NEK10: variants seen among roughly 807,000 people sequenced by gnomAD.
The protein encoded by NEK10 is serine/threonine-protein kinase Nek10.
A neutral mutation model predicts 159.8 loss-of-function variants in NEK10; 122 were observed. The observed-to-expected ratio is 0.76, with a 90% CI of 0.66 to 0.89. The LOEUF is 0.89. Ranked by LOEUF, NEK10 falls within the 40% of genes least tolerant of loss-of-function variation. The pLI is 0.00. For synonymous variants in NEK10, 466 were observed against 457.1 expected (o/e 1.02, Z -0.25); for missense variants, 1,342 against 1,323.1 (o/e 1.01, Z -0.22).
At chr3:27,272,382 T>C (rs904922174) in intron 22 of NEK10, among the ~76,000 whole-genome samples, 1 of 152,200 alleles carries the variant, frequency 6.6e-6, no homozygotes, top group African/African-American at 2.4e-5. Context: ...CTTGCTGCTA[T>C]ATTCAACCCC....
intron 6 of NEK10, among the ~76,000 whole-genome samples, chr3:27,316,049 C>A (rs2045137224): frequency 6.6e-6 from 1 of 152,102 alleles, no homozygotes; most frequent in Non-Finnish European, 1.5e-5. Flanking sequence ...CCATGGAGGG[C>A]ATTACTGGGA....
chr3:27,155,258 G>A (rs1243217689), intron 30 of NEK10, among the ~76,000 whole-genome samples: 2 of 152,018 alleles, frequency 1.3e-5, no homozygotes, highest in African/African-American at 4.8e-5. Flanking sequence ...AATCCCAGCA[G>A]TTTGGGAGGC....
chr3:27,214,685 T>C, intron 23 of NEK10: 2 of 613,520 alleles, frequency 3.3e-6, no homozygotes, highest in South Asian at 1.7e-5. Context: ...GCATTACTGA[T>C]AACATTGTTA....
At chr3:27,140,628 G>T (rs767805730) in intron 31 of NEK10, among the ~76,000 whole-genome samples, 2 of 152,100 alleles carry the variant, frequency 1.3e-5, no homozygotes, top group Non-Finnish European at 2.9e-5. Context: ...TTTAACTTGT[G>T]GTATTTCTCT....
At chr3:27,209,441 C>T (rs73149345) in intron 23 of NEK10, among the ~76,000 whole-genome samples, 12,894 of 152,232 alleles carry the variant, frequency 0.085, 1,796 homozygotes, top group African/African-American at 0.29. Flanking sequence ...TAAATGCTTT[C>T]TATTTCTCTC....
At position 27,291,404 on chromosome 3, in the gene NEK10, A is replaced by ATTCCTTTTTATATTCCTTTTTATATT. The variant is rs755006445; in HGVS notation, c.1477-15_1477-14insAATATAAAAAGGAATATAAAAAGGAA. On this transcript the variant is annotated splice_polypyrimidine_tract_variant and intron_variant, in intron 17 of 35. Coordinates refer to ENST00000691995, the MANE Select transcript of NEK10 (RefSeq NM_001394966.1). ...CAGTTCATCCTCCTAATCAAAATAT[A>ATTCCTTTTTATATTCCTTTTTATATT]AAAAGGAAATGGGTTTCTGTGATAA... 3 of 1,610,088 alleles carry ATTCCTTTTTATATTCCTTTTTATATT rather than the reference A, an allele frequency of 1.9e-6. No individual in the cohort carries two copies. The South Asian group carries it at 3.3e-5, about 18-fold the overall frequency.
chr3:27,255,733 T>C (rs1019312438), intron 23 of NEK10, among the ~76,000 whole-genome samples: 1 of 152,204 alleles, frequency 6.6e-6, no homozygotes, highest in Non-Finnish European at 1.5e-5. Context: ...TATCAAAATA[T>C]AAACACTCAT....
At chr3:27,155,518 A>G (rs4973859) in intron 30 of NEK10, among the ~76,000 whole-genome samples, 2 of 82,044 alleles carry the variant, frequency 2.4e-5, no homozygotes, top group East Asian at 4.9e-4. Context: ...TAAATAAAAT[A>G]AAATAAAATA....
At chr3:27,156,962 A>G (rs1489042665) in intron 30 of NEK10, among the ~76,000 whole-genome samples, 1 of 126,986 alleles carries the variant, frequency 7.9e-6, no homozygotes, top group Non-Finnish European at 1.7e-5. Flanking sequence ...ATATATATAT[A>G]TATATATATA....
chr3:27,205,974 A>T (rs1041674413), intron 23 of NEK10, among the ~76,000 whole-genome samples: 1 of 142,618 alleles, frequency 7.0e-6, no homozygotes, highest in Non-Finnish European at 1.5e-5. Context: ...CAAAGGGCTA[A>T]TATCCAGAAT....
In NEK10 at chr3:27,226,105, C is replaced by T. The variant is rs1037566265; in HGVS notation, c.2091-23548G>A. Among the ~76,000 whole-genome samples the T allele has an allele frequency of 5.3e-4, 81 of 151,928 alleles. 1 individual carries two copies. The highest frequency in any genetic ancestry group is 5.2e-3 in the Admixed American group (80 of 15,244). On this transcript the variant is annotated intron_variant, in intron 23 of 35. Coordinates refer to ENST00000691995, the MANE Select transcript of NEK10 (RefSeq NM_001394966.1). ...GGAGTGCAGTGGCATGATCTTGGCT[C>T]ACTGCAAGCTCTGCCTCCTGGGTTC...
chr3:27,117,622 T>C (rs1940661263), intron 33 of NEK10, among the ~76,000 whole-genome samples: 1 of 152,246 alleles, frequency 6.6e-6, no homozygotes, highest in Admixed American at 6.5e-5. Context: ...CGCATAAATG[T>C]CTTCATTTGA....
chr3:27,162,397 C>T, intron 30 of NEK10: 1 of 1,585,050 alleles, frequency 6.3e-7, no homozygotes, highest in East Asian at 2.3e-5. Flanking sequence ...ACATCTCAGG[C>T]CCAACTATAA....
chr3:27,331,262 A>AAAAAC, intron 5 of NEK10, among the ~76,000 whole-genome samples: 37 of 110,120 alleles, frequency 3.4e-4, no homozygotes, highest in Admixed American at 1.1e-3. Flanking sequence ...AAAAAAAAAA[A>AAAAAC]ACACACAAAC....
intron 23 of NEK10, among the ~76,000 whole-genome samples, chr3:27,231,059 A>C (rs1953205931): frequency 6.6e-6 from 1 of 152,140 alleles, no homozygotes; most frequent in South Asian, 2.1e-4. Context: ...TGCAGAATAT[A>C]CATTCTTCTC....
chr3:27,120,119 C>T (rs1409843365), intron 32 of NEK10, among the ~76,000 whole-genome samples: 1 of 151,936 alleles, frequency 6.6e-6, no homozygotes, highest in Non-Finnish European at 1.5e-5. Context: ...ACTTTATGGC[C>T]TTATGAGAGC....
chr3:27,320,111 A>C (rs1375982691), intron 6 of NEK10, among the ~76,000 whole-genome samples: 2 of 152,154 alleles, frequency 1.3e-5, no homozygotes, highest in Non-Finnish European at 2.9e-5. Context: ...AGTGCCAGGG[A>C]GGACAGACTC....
chr3:27,232,561 AT>A (rs943024788), intron 23 of NEK10, among the ~76,000 whole-genome samples: 2 of 151,842 alleles, frequency 1.3e-5, no homozygotes, highest in African/African-American at 4.8e-5. Context: ...TAGAAAAAAA[AT>A]CCTAAAATTC....
intron 22 of NEK10, among the ~76,000 whole-genome samples, chr3:27,280,394 T>G (rs2042072690): frequency 6.6e-6 from 1 of 152,058 alleles, no homozygotes; most frequent in Non-Finnish European, 1.5e-5. Flanking sequence ...AGTTCCCAGG[T>G]GCCCTCCCAC....
Sources: gnomAD v4.1 joint callset for allele counts (sites outside exome capture counted in the v4.1 genomes callset) on GRCh38, gnomAD v4.1.1 for gene constraint, MANE v1.5 for transcripts, NCBI Gene and HGNC (gene_info 2026-07-23, HGNC 2026-07-21) for gene names.